The following ENPP6 variants were observed in gnomAD, a reference collection of about 807,000 sequenced individuals.
ENPP6 encodes the protein glycerophosphocholine cholinephosphodiesterase ENPP6.
Under a neutral mutation model 42.0 loss-of-function variants are expected in ENPP6, and 32 were observed. The observed-to-expected ratio is 0.76, with a 90% CI of 0.58 to 1.02. ENPP6 has a LOEUF of 1.02. Among genes scored for constraint, ENPP6 ranks in the 50% least tolerant of loss-of-function variants. The pLI, the probability that ENPP6 is intolerant of heterozygous loss-of-function variation, is 0.00. For missense variants in ENPP6, 552 were observed against 566.8 expected (o/e 0.97, Z 0.27); for synonymous variants, 213 against 216.0 (o/e 0.99, Z 0.12).
At chr4:184,153,937 T>C (rs1052433400) in intron 1 of ENPP6, among the ~76,000 whole-genome samples, 5 of 152,104 alleles carry the variant, frequency 3.3e-5, no homozygotes, top group African/African-American at 7.2e-5. Context: ...TGTCCACTAA[T>C]TGATGGAGGG....
intron 2 of ENPP6, among the ~76,000 whole-genome samples, chr4:184,137,120 G>A (rs1307276134): frequency 1.3e-5 from 2 of 152,088 alleles, no homozygotes; most frequent in East Asian, 1.9e-4. Flanking sequence ...TTTCTGAGAT[G>A]GAGTCTCGCT....
chr4:184,164,262 A>G (rs1443717778), intron 1 of ENPP6, among the ~76,000 whole-genome samples: 1 of 152,248 alleles, frequency 6.6e-6, no homozygotes, highest in Non-Finnish European at 1.5e-5. Flanking sequence ...TGGTCCATGC[A>G]CAAGTGACGC....
At chr4:184,206,867 C>T (rs1436942968) in intron 1 of ENPP6, among the ~76,000 whole-genome samples, 1 of 152,214 alleles carries the variant, frequency 6.6e-6, no homozygotes, top group Non-Finnish European at 1.5e-5. Flanking sequence ...TTCGGTCTCT[C>T]GCTGCTTCCC....
At chr4:184,131,184 TCTTTCTTTCTTTCTTTC>T (rs1310551150) in intron 2 of ENPP6, among the ~76,000 whole-genome samples, 16 of 63,046 alleles carry the variant, frequency 2.5e-4, no homozygotes, top group South Asian at 1.1e-3. Context: ...TTTCTTTCTT[TCTTTCTTTCTTTCTTTC>T]TTCTTTCTTT....
chr4:184,119,969 G>A (rs1736387871), intron 3 of ENPP6, among the ~76,000 whole-genome samples: 1 of 152,154 alleles, frequency 6.6e-6, no homozygotes, highest in Admixed American at 6.5e-5. Context: ...CCAGTCTTAG[G>A]TATGTCTTTA....
At chr4:184,168,898 GC>G (rs528953581) in intron 1 of ENPP6, among the ~76,000 whole-genome samples, 1 of 152,106 alleles carries the variant, frequency 6.6e-6, no homozygotes, top group Non-Finnish European at 1.5e-5. Flanking sequence ...CTCGTGCTGT[GC>G]CCCCCGCTTC....
At chr4:184,200,609 T>C (rs1732878404) in intron 1 of ENPP6, among the ~76,000 whole-genome samples, 1 of 152,174 alleles carries the variant, frequency 6.6e-6, no homozygotes, top group Non-Finnish European at 1.5e-5. Context: ...CCCAGGAAGA[T>C]GATGTAATGT....
chr4:184,129,015 G>A (rs879439838), intron 2 of ENPP6, among the ~76,000 whole-genome samples: 51 of 152,076 alleles, frequency 3.4e-4, no homozygotes, highest in Non-Finnish European at 5.9e-5. Context: ...AAACTTCACC[G>A]ACAGGCTAGT....
At chr4:184,141,603 C>T (rs1453582937) in intron 2 of ENPP6, among the ~76,000 whole-genome samples, 1 of 152,134 alleles carries the variant, frequency 6.6e-6, no homozygotes. Context: ...TTAATTAGGG[C>T]TCAGTTTTTA....
At chr4:184,101,024 G>A (rs1422462430) in intron 6 of ENPP6, among the ~76,000 whole-genome samples, 1 of 152,152 alleles carries the variant, frequency 6.6e-6, no homozygotes, top group East Asian at 1.9e-4. Context: ...GAAGGAGGGA[G>A]GGAGGCTCAG....
At chr4:184,107,138 G>C (rs1412980831) in intron 6 of ENPP6, among the ~76,000 whole-genome samples, 1 of 152,112 alleles carries the variant, frequency 6.6e-6, no homozygotes, top group Non-Finnish European at 1.5e-5. Flanking sequence ...AACCTGGGCG[G>C]GACTTCCGTG....
At chr4:184,139,266 G>A (rs746703483) in intron 2 of ENPP6, among the ~76,000 whole-genome samples, 1 of 152,170 alleles carries the variant, frequency 6.6e-6, no homozygotes. Context: ...AATGGAGCGT[G>A]GAAGAGAGAG....
At chr4:184,197,278 ACT>A (rs140783985) in intron 1 of ENPP6, among the ~76,000 whole-genome samples, 6 of 151,446 alleles carry the variant, frequency 4.0e-5, no homozygotes, top group African/African-American at 1.2e-4. Flanking sequence ...TGCACCACAC[ACT>A]CTCTCTCTCT....
chr4:184,139,592 G>A (rs1452252516), intron 2 of ENPP6, among the ~76,000 whole-genome samples: 17 of 141,350 alleles, frequency 1.2e-4, no homozygotes, highest in African/African-American at 3.2e-4. Context: ...TCCCACCTAC[G>A]AGTGAGAATA....
intron 2 of ENPP6, among the ~76,000 whole-genome samples, chr4:184,130,223 T>C (rs1338804729): frequency 4.6e-5 from 7 of 151,950 alleles, no homozygotes; most frequent in African/African-American, 1.7e-4. Context: ...GCAACAAGCA[T>C]GAGGATAAGC....
chr4:184,099,658 G>A (rs969842053), intron 6 of ENPP6, among the ~76,000 whole-genome samples: 1 of 152,186 alleles, frequency 6.6e-6, no homozygotes, highest in African/African-American at 2.4e-5. Flanking sequence ...CCCTCGCATT[G>A]CAGCTTTCCA....
In ENPP6 at chr4:184,091,327, G is replaced by A. The variant is rs759541097; in HGVS notation, c.1173C>T (p.Val391=). The change falls in exon 8 of 8, where the codon GTC becomes GTT. Residue 391 remains valine, a synonymous_variant. Transcript: ENST00000296741. ...APIRSVDVYN[V]MCNVVGITPL... ...GGGTGATGCCCACCACATTGCACAT[G>A]ACATTGTAGACGTCCACCGACCTGA... 1 of 1,614,018 alleles carries A rather than the reference G, an allele frequency of 6.2e-7. No homozygotes were observed. Among genetic ancestry groups the A allele is most frequent in the East Asian group, 2.2e-5 (1 of 44,880 alleles).
chr4:184,202,475 T>C (rs1561010343), intron 1 of ENPP6, among the ~76,000 whole-genome samples: 1 of 152,152 alleles, frequency 6.6e-6, no homozygotes, highest in Admixed American at 6.5e-5. Flanking sequence ...ATGGCTTTCA[T>C]AGACTTTCAT....
intron 1 of ENPP6, among the ~76,000 whole-genome samples, chr4:184,169,579 T>G (rs949775262): frequency 2.0e-5 from 3 of 152,240 alleles, no homozygotes; most frequent in African/African-American, 7.2e-5. Context: ...ATCACGTTTC[T>G]GGCCACCTTG....
Sources: allele counts gnomAD v4.1 joint callset (sites outside exome capture counted in the v4.1 genomes callset), GRCh38; gene constraint gnomAD v4.1.1; transcripts MANE v1.5; gene names NCBI Gene and HGNC (gene_info 2026-07-23, HGNC 2026-07-21).